DNAH6: variants seen among roughly 807,000 people sequenced by gnomAD.
The protein encoded by DNAH6 is axonemal beta dynein heavy chain 6.
DNAH6 carries 340 observed loss-of-function variants against 491.4 expected under a neutral mutation model. The observed-to-expected ratio is 0.69, with a 90% CI of 0.63 to 0.76. The LOEUF (loss-of-function observed/expected upper bound fraction) is 0.76, where lower values mean the gene tolerates loss of function less well. DNAH6 is among the 30% of genes least tolerant of loss of function. The pLI, the probability that DNAH6 is intolerant of heterozygous loss-of-function variation, is 0.00. For synonymous variants in DNAH6, 1,603 were observed against 1,686.1 expected, an observed-to-expected ratio of 0.95 and a Z score of 1.21; for missense variants, 4,443 against 4,972.2, an observed-to-expected ratio of 0.89 and a Z score of 3.20.
intron 71 of DNAH6, among the ~76,000 whole-genome samples, chr2:84,807,238 T>C (rs942090455): frequency 6.6e-6 from 1 of 152,218 alleles, no homozygotes; most frequent in Non-Finnish European, 1.5e-5. Context: ...ATTAGACTCA[T>C]TGGCACTGCT....
In DNAH6 at chr2:84,771,052, G is replaced by T. The variant is rs185555003; in HGVS notation, c.10703+8107G>T. 3.8e-3 allele frequency among the ~76,000 whole-genome samples: 580 copies of T among 152,164 alleles called. 1 individual carries two copies. The highest frequency in any genetic ancestry group is 0.013 in the African/African-American group (528 of 41,530). On this transcript the variant is annotated intron_variant, in intron 64 of 76. Coordinates refer to ENST00000389394, the MANE Select transcript of DNAH6 (RefSeq NM_001370.2). Reference sequence around the variant, plus strand: ...ACCTGTAATCCCAGTACTTTGGGAGGCCAAGGTAGGTGGATCACCAGAGGT... The same window carrying T: ...ACCTGTAATCCCAGTACTTTGGGAGTCCAAGGTAGGTGGATCACCAGAGGT...
chr2:84,496,586 C>T, the DNAH6 span, among the ~76,000 whole-genome samples: 4 of 152,134 alleles, frequency 2.6e-5, no homozygotes, highest in Non-Finnish European at 5.9e-5. Context: ...TGCCTGGGTG[C>T]CAATGCCAAA....
chr2:84,741,004 C>G (rs1672475557), intron 62 of DNAH6, among the ~76,000 whole-genome samples: 1 of 152,184 alleles, frequency 6.6e-6, no homozygotes, highest in South Asian at 2.1e-4. Flanking sequence ...GCTCTAACCT[C>G]TCAAAATGGT....
chr2:84,535,524 A>G (rs1677602026), intron 4 of DNAH6, among the ~76,000 whole-genome samples: 1 of 151,958 alleles, frequency 6.6e-6, no homozygotes, highest in Admixed American at 6.6e-5. Flanking sequence ...ACAAAATATG[A>G]AACAAATTTC....
At chr2:84,727,572 C>T in intron 60 of DNAH6, 97 bp from the exon 61 acceptor site, 1 of 716,784 alleles carries the variant, frequency 1.4e-6, no homozygotes, top group Non-Finnish European at 2.4e-6. Flanking sequence ...CCCATGCTGC[C>T]ATTTACTCAC....
chr2:84,683,378 C>T (rs1355849618), intron 42 of DNAH6, among the ~76,000 whole-genome samples: 6 of 151,194 alleles, frequency 4.0e-5, no homozygotes, highest in African/African-American at 1.5e-4. Flanking sequence ...TTCCCTGACT[C>T]CCCATCCAGT....
chr2:84,635,891 C>G (rs1479166318), intron 30 of DNAH6, among the ~76,000 whole-genome samples: 1 of 152,186 alleles, frequency 6.6e-6, no homozygotes, highest in East Asian at 1.9e-4. Context: ...TCCTGGTCTT[C>G]CCTGTATTCC....
At chr2:84,611,189 C>T (rs1374098350) in intron 21 of DNAH6, among the ~76,000 whole-genome samples, 1 of 115,600 alleles carries the variant, frequency 8.7e-6, no homozygotes, top group Admixed American at 8.1e-5. Context: ...TTCTTCCAGT[C>T]TTCTATATTT....
At chr2:84,665,421 A>G (rs1318229982) in intron 37 of DNAH6, among the ~76,000 whole-genome samples, 1 of 152,206 alleles carries the variant, frequency 6.6e-6, no homozygotes, top group Non-Finnish European at 1.5e-5. Context: ...AGTGGATATC[A>G]CCACCAATCC....
At chr2:84,580,365 T>C (rs192667592) in intron 14 of DNAH6, among the ~76,000 whole-genome samples, 1 of 151,690 alleles carries the variant, frequency 6.6e-6, no homozygotes, top group Admixed American at 6.6e-5. Context: ...TTTGTCTCTT[T>C]TGCTTCTTTT....
chr2:84,701,941 C>T (rs748175744), intron 49 of DNAH6, among the ~76,000 whole-genome samples: 2 of 152,162 alleles, frequency 1.3e-5, no homozygotes, highest in Non-Finnish European at 2.9e-5. Context: ...AGGGCCTTCT[C>T]CTTTTCAATA....
In DNAH6 at chr2:84,713,125, C is replaced by G. The variant is rs1011628283; in HGVS notation, c.9409C>G (p.Pro3137Ala). The change falls in exon 57 of 77, where the codon CCC (proline) becomes GCC (alanine). Residue 3137 changes from proline (P) to alanine (A), a missense_variant. By Grantham distance (27) the Pro-to-Ala change is conservative. Transcript: ENST00000389394. The part of the protein sequence containing the change: ...LKETLDPALE[P>A]ILLKQIFISG... ...GGAAACCTTGGATCCAGCTCTAGAA[C>G]CCATTCTTTTGAAACAAATTTTTAT... The G allele has an allele frequency of 2.6e-6, 4 of 1,551,698 alleles. No individual in the cohort carries two copies. The highest frequency in any genetic ancestry group is 3.5e-6 in the Non-Finnish European group (4 of 1,146,970).
chr2:84,781,426 A>G (rs1676689932), intron 64 of DNAH6, 67 bp from the exon 65 acceptor site: 1 of 1,344,420 alleles, frequency 7.4e-7, no homozygotes, highest in African/African-American at 1.5e-5. Context: ...CTGTATTTAT[A>G]TTTCTTCATA....
Position 84,517,933 on chromosome 2 carries a change from T to C in DNAH6, c.107T>C (p.Val36Ala), listed in dbSNP as rs1248489057. The change falls in exon 2 of 77, where the codon GTG becomes GCG. Residue 36 changes from valine to alanine, a missense_variant. Coordinates refer to ENST00000389394, the MANE Select transcript of DNAH6 (RefSeq NM_001370.2). ...AATAATATAAAAGCCAAACAAAGAG[T>C]GAGTTATGTGACATCCACAGAAAAT... Reference protein sequence around the residue: ...RLNNIKAKQRVSYVTSTENES... With the variant: ...RLNNIKAKQRASYVTSTENES... The C allele has an allele frequency of 1.3e-6, 2 of 1,551,424 alleles. No individual in the cohort carries two copies. The highest frequency in any genetic ancestry group is 2.7e-5 in the African/African-American group (2 of 72,912).
At chr2:84,812,152 C>T (rs892467634) in intron 72 of DNAH6, among the ~76,000 whole-genome samples, 189 bp from the exon 73 acceptor site, 4 of 152,178 alleles carry the variant, frequency 2.6e-5, no homozygotes, top group Admixed American at 1.3e-4. Flanking sequence ...AGTGTTACAC[C>T]GCAACGGTCA....
chr2:84,584,412 A>T (rs918701382), intron 15 of DNAH6, 162 bp downstream of exon 15: 2 of 739,420 alleles, frequency 2.7e-6, no homozygotes, highest in Non-Finnish European at 4.3e-6. Context: ...CAAGCTAATT[A>T]ATGTGTCCAT....
At chr2:84,662,352 G>A (rs927023661) in intron 37 of DNAH6, among the ~76,000 whole-genome samples, 4 of 152,176 alleles carry the variant, frequency 2.6e-5, no homozygotes, top group Non-Finnish European at 4.4e-5. Flanking sequence ...CCCTTTCCTA[G>A]CCAAGGGAAG....
the DNAH6 span, among the ~76,000 whole-genome samples, chr2:84,483,077 C>T: frequency 0.011 from 1,677 of 151,990 alleles, 28 homozygotes; most frequent in African/African-American, 0.039. Context: ...CCTCCCACAT[C>T]AGCCTCCCAA....
At position 84,624,920 on chromosome 2, in the gene DNAH6, C is replaced by A; in HGVS notation, c.4372C>A (p.Leu1458Ile). ...TPLTDRCYLC[L>I]MGALQLDLGG... Reference sequence around the variant, plus strand: ...TCTTCAGGATCGCTGCTATCTTTGCCTCATGGGAGCTTTGCAGCTTGACCT... The same window carrying A: ...TCTTCAGGATCGCTGCTATCTTTGCATCATGGGAGCTTTGCAGCTTGACCT... Residue 1458 changes from leucine to isoleucine, a missense_variant, in exon 29 of 77, where the codon CTC becomes ATC. Coordinates refer to ENST00000389394, the MANE Select transcript of DNAH6 (RefSeq NM_001370.2). 6.5e-7 allele frequency: 1 copy of A among 1,550,146 alleles called. No individual in the cohort carries two copies. The highest frequency in any genetic ancestry group is 8.7e-7 in the Non-Finnish European group (1 of 1,146,416).
Sources: allele counts gnomAD v4.1 joint callset (sites outside exome capture counted in the v4.1 genomes callset), GRCh38; gene constraint gnomAD v4.1.1; transcripts MANE v1.5; gene names NCBI Gene and HGNC (gene_info 2026-07-23, HGNC 2026-07-21).